The following COL5A2 variants were observed in gnomAD, a reference collection of about 807,000 sequenced individuals.
COL5A2 encodes collagen type V alpha 2 chain, also known as collagen alpha-2(V) chain.
In COL5A2, 23 loss-of-function variants were observed where a neutral mutation model predicts 208.2. The ratio of observed to expected loss-of-function variants is 0.11; its 90% confidence interval spans 0.08 to 0.16. The LOEUF is 0.16. COL5A2 is among the 10% of genes least tolerant of loss of function. The pLI is 1.00. For synonymous variants in COL5A2, 625 were observed against 628.5 expected (o/e 0.99, Z 0.08); for missense variants, 1,590 against 1,956.4 (o/e 0.81, Z 3.53).
chr2:189,319,312 G>A, the COL5A2 span, among the ~76,000 whole-genome samples: 2 of 152,266 alleles, frequency 1.3e-5, no homozygotes, highest in Non-Finnish European at 1.5e-5. Context: ...TTGTCAGACA[G>A]TAGGTGCAGG....
In COL5A2 at chr2:189,212,951, C is replaced by T. The variant is rs1009706225; in HGVS notation, c.-42+12197G>A. 1.4e-4 allele frequency among the ~76,000 whole-genome samples: 21 copies of T among 151,570 alleles called. No homozygotes were observed. In the East Asian group the frequency reaches 1.7e-3, roughly 13 times the overall value. On this transcript the variant is annotated intron_variant, in intron 1 of 10. Coordinates refer to the COL5A2 transcript ENST00000649966. Reference sequence around the variant, plus strand: ...TTGCTCAGGCTGGAGTGTGACAGCGCGATCTGAGCTCAATGTAACCTCTGC... The same window carrying T: ...TTGCTCAGGCTGGAGTGTGACAGCGTGATCTGAGCTCAATGTAACCTCTGC...
At chr2:189,351,419 C>T in the COL5A2 span, among the ~76,000 whole-genome samples, 12 of 152,128 alleles carry the variant, frequency 7.9e-5, no homozygotes, top group Non-Finnish European at 1.3e-4. Context: ...TCTATGCCCA[C>T]ATAAGGAATA....
chr2:189,385,578 C>T, the COL5A2 span, among the ~76,000 whole-genome samples: 1 of 151,930 alleles, frequency 6.6e-6, no homozygotes, highest in Non-Finnish European at 1.5e-5. Flanking sequence ...AATGCTATTC[C>T]TATCAAATTA....
chr2:189,271,614 C>A, the COL5A2 span, among the ~76,000 whole-genome samples: 3 of 152,142 alleles, frequency 2.0e-5, no homozygotes, highest in African/African-American at 7.2e-5. Context: ...GACTTCATGA[C>A]TAAAACACCA....
At chr2:189,307,269 A>G in the COL5A2 span, among the ~76,000 whole-genome samples, 5,607 of 152,192 alleles carry the variant, frequency 0.037, 117 homozygotes, top group Admixed American at 0.05. Flanking sequence ...CTCTGGTTAC[A>G]TTTCTTTAAA....
the COL5A2 span, among the ~76,000 whole-genome samples, chr2:189,434,116 A>G: frequency 7.6e-4 from 116 of 151,910 alleles, no homozygotes; most frequent in African/African-American, 2.7e-3. Flanking sequence ...AAGGCCTTCG[A>G]AAAAATTCAA....
chr2:189,353,854 C>T, the COL5A2 span, among the ~76,000 whole-genome samples: 5 of 152,172 alleles, frequency 3.3e-5, no homozygotes, highest in Admixed American at 6.5e-5. Flanking sequence ...AGAGGGCAAC[C>T]TTGTCTTATG....
the COL5A2 span, among the ~76,000 whole-genome samples, chr2:189,386,195 A>T: frequency 6.6e-6 from 1 of 152,140 alleles, no homozygotes; most frequent in Non-Finnish European, 1.5e-5. Flanking sequence ...GGACACAGCC[A>T]AACTTATATC....
the COL5A2 span, among the ~76,000 whole-genome samples, chr2:189,304,633 C>CATGAGGGATCACCCCCAT: frequency 6.6e-6 from 1 of 152,150 alleles, no homozygotes; most frequent in Non-Finnish European, 1.5e-5. Context: ...AGCACCAACA[C>CATGAGGGATCACCCCCAT]ATGAGGGATC....
In COL5A2 at chr2:189,216,068, TAAA is replaced by T. The variant is rs147207201; in HGVS notation, c.-42+9077_-42+9079del. Among the ~76,000 whole-genome samples, 535 of 152,252 alleles carry T rather than the reference TAAA, an allele frequency of 3.5e-3. 3 individuals carry two copies. The highest frequency in any genetic ancestry group is 0.012 in the African/African-American group (505 of 41,548). ...CTTTGAGAAGAACTCATTCCTCCTA[TAAA>T]ATATAAAATAGTGGTTTCAATTATG... On this transcript the variant is annotated intron_variant, in intron 1 of 10. Transcript: ENST00000649966.
the COL5A2 span, among the ~76,000 whole-genome samples, chr2:189,402,048 T>G: frequency 6.6e-6 from 1 of 152,224 alleles, no homozygotes; most frequent in South Asian, 2.1e-4. Flanking sequence ...TTACTTTTGT[T>G]GCACAGAAAC....
intron 1 of COL5A2, among the ~76,000 whole-genome samples, chr2:189,122,332 A>C (rs894330051): frequency 6.6e-6 from 1 of 152,202 alleles, no homozygotes; most frequent in African/African-American, 2.4e-5. Flanking sequence ...AAAAAATAGA[A>C]GGTATTTGAG....
chr2:189,276,502 AAAAGACTGCT>A, the COL5A2 span, among the ~76,000 whole-genome samples: 8 of 152,282 alleles, frequency 5.3e-5, no homozygotes, highest in Admixed American at 5.2e-4. Flanking sequence ...TCAGATTTCC[AAAAGACTGCT>A]AAATACGTGC....
chr2:189,179,625 G>C lies in COL5A2; in HGVS notation c.-21C>G, dbSNP rs1318167902. 2 of 1,589,732 alleles carry C rather than the reference G, an allele frequency of 1.3e-6. No individual in the cohort carries two copies. Among genetic ancestry groups the C allele is most frequent in the South Asian group, 1.1e-5 (1 of 88,132 alleles). ...ATCATGTCTAAATATTAGACATGTG[G>C]GTTCTCCTGAGAGTGAAAAGTAGAT... On this transcript the variant is annotated 5_prime_UTR_variant, in exon 1 of 54. Transcript: ENST00000374866.
chr2:189,315,150 T>G, the COL5A2 span, among the ~76,000 whole-genome samples: 1 of 152,098 alleles, frequency 6.6e-6, no homozygotes, highest in Non-Finnish European at 1.5e-5. Context: ...ATGAACTTGA[T>G]GAACACTGAT....
chr2:189,331,331 C>A, the COL5A2 span, among the ~76,000 whole-genome samples: 114 of 152,174 alleles, frequency 7.5e-4, no homozygotes, highest in African/African-American at 2.6e-3. Flanking sequence ...GAGATTGAGA[C>A]CATCCTGGTC....
At chr2:189,241,270 C>T in the COL5A2 span, among the ~76,000 whole-genome samples, 1 of 151,986 alleles carries the variant, frequency 6.6e-6, no homozygotes, top group Non-Finnish European at 1.5e-5. Flanking sequence ...GAACAACTAC[C>T]TATTGGGTAC....
the COL5A2 span, among the ~76,000 whole-genome samples, chr2:189,427,858 T>C: frequency 2.6e-5 from 4 of 152,216 alleles, no homozygotes; most frequent in Non-Finnish European, 5.9e-5. Context: ...ACCCAATACC[T>C]GCCCTGCTGA....
chr2:189,187,813 C>CA (rs1576580178), intron 1 of COL5A2, among the ~76,000 whole-genome samples: 1 of 151,764 alleles, frequency 6.6e-6, no homozygotes, highest in South Asian at 2.1e-4. Flanking sequence ...ACTAAAAAAA[C>CA]AAAAAATTAG....
Sources: allele counts gnomAD v4.1 joint callset (sites outside exome capture counted in the v4.1 genomes callset), GRCh38; gene constraint gnomAD v4.1.1; transcripts MANE v1.5; gene names NCBI Gene and HGNC (gene_info 2026-07-23, HGNC 2026-07-21).